Variants in DRD2 observed in about 807,000 individuals in gnomAD.
DRD2 encodes the protein dopamine receptor D2.
DRD2 carries 8 observed loss-of-function variants against 38.0 expected under a neutral mutation model. The observed-to-expected ratio is 0.21, with a 90% CI of 0.12 to 0.38. The LOEUF is 0.38. Among genes scored for constraint, DRD2 ranks in the 10% least tolerant of loss-of-function variants. The pLI is 1.00. For synonymous variants in DRD2, 230 were observed against 238.6 expected (o/e 0.96, Z 0.33); for missense variants, 403 against 607.7 (o/e 0.66, Z 3.54).
At chr11:113,429,407 G>A (rs1413199229) in intron 1 of DRD2, among the ~76,000 whole-genome samples, 1 of 152,168 alleles carries the variant, frequency 6.6e-6, no homozygotes, top group Admixed American at 6.5e-5. Flanking sequence ...ACCATGTCCA[G>A]CTAATTTTTT....
intron 2 of DRD2, among the ~76,000 whole-genome samples, chr11:113,422,335 C>T (rs748968677): frequency 5.3e-5 from 8 of 152,230 alleles, no homozygotes; most frequent in African/African-American, 9.6e-5. Context: ...AATCACTTTT[C>T]ATACATCAAC....
At chr11:113,459,863 G>GT (rs1023681406) in intron 1 of DRD2, among the ~76,000 whole-genome samples, 4 of 152,308 alleles carry the variant, frequency 2.6e-5, no homozygotes, top group African/African-American at 9.6e-5. Context: ...TCATTACACA[G>GT]TGCATGCACG....
At chr11:113,423,287 T>A (rs1950903622) in intron 2 of DRD2, among the ~76,000 whole-genome samples, 1 of 152,198 alleles carries the variant, frequency 6.6e-6, no homozygotes, top group Non-Finnish European at 1.5e-5. Context: ...AATTTTATTT[T>A]TTTTTTGAGA....
intron 1 of DRD2, among the ~76,000 whole-genome samples, chr11:113,473,448 C>T (rs1322856903): frequency 6.6e-6 from 1 of 152,082 alleles, no homozygotes; most frequent in African/African-American, 2.4e-5. Flanking sequence ...AGAAAAAAAC[C>T]CTTAGAGAAA....
chr11:113,472,180 C>T (rs1951434522), intron 1 of DRD2, among the ~76,000 whole-genome samples: 1 of 152,238 alleles, frequency 6.6e-6, no homozygotes, highest in Non-Finnish European at 1.5e-5. Context: ...TATGCAAACA[C>T]ACACAAACAC....
intron 1 of DRD2, among the ~76,000 whole-genome samples, chr11:113,439,941 CAGG>C (rs1951074391): frequency 6.9e-6 from 1 of 145,080 alleles, no homozygotes; most frequent in Non-Finnish European, 1.5e-5. Context: ...CTTTCAGAAC[CAGG>C]ATTGCAATTA....
chr11:113,450,683 C>T (rs1213275642), intron 1 of DRD2, among the ~76,000 whole-genome samples: 1 of 152,166 alleles, frequency 6.6e-6, no homozygotes, highest in African/African-American at 2.4e-5. Flanking sequence ...GATCAGAAGT[C>T]TAACTTTCTT....
At chr11:113,442,745 CTT>C (rs1487481725) in intron 1 of DRD2, among the ~76,000 whole-genome samples, 3 of 152,216 alleles carry the variant, frequency 2.0e-5, no homozygotes, top group African/African-American at 7.2e-5. Context: ...GCGCTAATCT[CTT>C]CAGCAACTGA....
At chr11:113,427,682 C>G (rs1950952509) in intron 1 of DRD2, among the ~76,000 whole-genome samples, 2 of 152,230 alleles carry the variant, frequency 1.3e-5, no homozygotes, top group South Asian at 2.1e-4. Flanking sequence ...CATAGGCTAC[C>G]AGATTAACAA....
chr11:113,413,278 G>C, intron 6 of DRD2: 1 of 560,208 alleles, frequency 1.8e-6, no homozygotes, highest in South Asian at 1.4e-5. Flanking sequence ...CAAAGAGGGT[G>C]CCCACCCCTG....
Position 113,475,383 on chromosome 11 carries a change from C to T in DRD2, c.-339G>A, listed in dbSNP as rs1951474432. On this transcript the variant is annotated 5_prime_UTR_variant, in exon 1 of 8. Transcript: ENST00000362072. ...GAGGCGGCGCGGTGCGCGCGTGAGG[C>T]TGCCGGTTCGGCACTGAAGCTGGAC... 1 of 151,968 alleles carries T rather than the reference C, an allele frequency of 6.6e-6. No homozygotes were observed. Among genetic ancestry groups the T allele is most frequent in the Non-Finnish European group, 1.5e-5 (1 of 67,694 alleles). 9.4% of individuals were successfully genotyped at this position (151,968 alleles called of 1,614,324 possible).
intron 2 of DRD2, among the ~76,000 whole-genome samples, chr11:113,418,566 A>G (rs1445763411): frequency 6.6e-6 from 1 of 152,122 alleles, no homozygotes; most frequent in Non-Finnish European, 1.5e-5. Context: ...AGACCCAGAG[A>G]GAGACTTACT....
At chr11:113,421,230 C>G (rs537138764) in intron 2 of DRD2, among the ~76,000 whole-genome samples, 1 of 152,196 alleles carries the variant, frequency 6.6e-6, no homozygotes, top group Non-Finnish European at 1.5e-5. Flanking sequence ...CTGACACCCT[C>G]ATGCTGGGCC....
chr11:113,427,502 C>G (rs1950950883), intron 1 of DRD2, among the ~76,000 whole-genome samples: 1 of 152,172 alleles, frequency 6.6e-6, no homozygotes, highest in Non-Finnish European at 1.5e-5. Context: ...CTCATTCCTC[C>G]TCTTGTTCTT....
chr11:113,453,589 A>G lies in DRD2; in HGVS notation c.-32+21487T>C, dbSNP rs997524913. 9.8e-5 allele frequency among the ~76,000 whole-genome samples: 15 copies of G among 152,356 alleles called. No individual in the cohort carries two copies. The South Asian group carries it at 2.5e-3, about 25-fold the overall frequency. On this transcript the variant is annotated intron_variant, in intron 1 of 7. Transcript: ENST00000362072. ...ATAATTCGACAACTATTTATTGAAT[A>G]CTTTAGAAATGCTAAGCAATGTAGA...
At chr11:113,454,813 C>T (rs1199838497) in intron 1 of DRD2, among the ~76,000 whole-genome samples, 1 of 152,066 alleles carries the variant, frequency 6.6e-6, no homozygotes, top group African/African-American at 2.4e-5. Context: ...AGATAGAGAT[C>T]CAAGAAGTAA....
intron 1 of DRD2, among the ~76,000 whole-genome samples, chr11:113,474,077 A>T (rs1565683105): frequency 6.6e-6 from 1 of 152,136 alleles, no homozygotes; most frequent in Non-Finnish European, 1.5e-5. Flanking sequence ...GAGCCACCGA[A>T]AAAAAAGTAG....
At chr11:113,441,757 G>C (rs1951095030) in intron 1 of DRD2, among the ~76,000 whole-genome samples, 1 of 152,138 alleles carries the variant, frequency 6.6e-6, no homozygotes, top group African/African-American at 2.4e-5. Context: ...GGCCGAGGTG[G>C]AAGGATCACA....
At chr11:113,468,294 C>A (rs1951389100) in intron 1 of DRD2, among the ~76,000 whole-genome samples, 1 of 152,140 alleles carries the variant, frequency 6.6e-6, no homozygotes, top group South Asian at 2.1e-4. Flanking sequence ...GTTTAACTAC[C>A]ATATGGTGTT....
Sources: allele counts gnomAD v4.1 joint callset (sites outside exome capture counted in the v4.1 genomes callset), GRCh38; gene constraint gnomAD v4.1.1; transcripts MANE v1.5; gene names NCBI Gene and HGNC (gene_info 2026-07-23, HGNC 2026-07-21).